B4GALT6: variants seen among roughly 807,000 people sequenced by gnomAD.
The protein encoded by B4GALT6 is beta-1,4-galactosyltransferase 6.
B4GALT6 carries 14 observed loss-of-function variants against 46.3 expected under a neutral mutation model. The ratio of observed to expected loss-of-function variants is 0.30; its 90% CI spans 0.20 to 0.47. The LOEUF (loss-of-function observed/expected upper bound fraction) is 0.47, where lower values mean the gene tolerates loss of function less well. B4GALT6 is among the 20% of genes least tolerant of loss of function. B4GALT6 has a pLI of 0.99. For synonymous variants in B4GALT6, 168 were observed against 162.0 expected (o/e 1.04, Z -0.28); for missense variants, 386 against 480.1 (o/e 0.80, Z 1.83).
intron 5 of B4GALT6, among the ~76,000 whole-genome samples, chr18:31,637,558 A>G (rs1002048142): frequency 6.6e-6 from 1 of 152,154 alleles, no homozygotes; most frequent in Non-Finnish European, 1.5e-5. Flanking sequence ...AATGTATACT[A>G]CTTTTTGTTT....
chr18:31,721,890 A>ATG, the B4GALT6 span, among the ~76,000 whole-genome samples: 19 of 149,742 alleles, frequency 1.3e-4, no homozygotes, highest in Non-Finnish European at 2.2e-4. Flanking sequence ...CTGTGTGTGT[A>ATG]TGTGTGTGTG....
intron 3 of B4GALT6, among the ~76,000 whole-genome samples, chr18:31,649,650 A>C (rs764203866): frequency 6.6e-6 from 1 of 152,196 alleles, no homozygotes; most frequent in African/African-American, 2.4e-5. Context: ...AACAAACAAA[A>C]AAAAATGCTC....
At chr18:31,637,442 C>G (rs2848661) in intron 5 of B4GALT6, among the ~76,000 whole-genome samples, 1 of 150,440 alleles carries the variant, frequency 6.6e-6, no homozygotes, top group African/African-American at 2.5e-5. Context: ...ATTTACTTAC[C>G]AACTGTAGAG....
chr18:31,671,495 C>T (rs556919278), intron 1 of B4GALT6, among the ~76,000 whole-genome samples: 18 of 152,184 alleles, frequency 1.2e-4, no homozygotes, highest in African/African-American at 4.3e-4. Context: ...CTCTAATGAC[C>T]AGTGATGATG....
chr18:31,691,187 T>C, the B4GALT6 span, among the ~76,000 whole-genome samples: 1 of 151,902 alleles, frequency 6.6e-6, no homozygotes. Context: ...CATGATTCTA[T>C]TTTGATGATA....
At chr18:31,638,128 A>G (rs890018009) in intron 5 of B4GALT6, among the ~76,000 whole-genome samples, 11 of 152,250 alleles carry the variant, frequency 7.2e-5, no homozygotes, top group Admixed American at 2.6e-4. Flanking sequence ...CGAGGCTGTC[A>G]TACTAAAGTG....
chr18:31,686,113 T>G (rs1340949134), upstream of B4GALT6: 3 of 152,276 alleles, frequency 2.0e-5, no homozygotes, highest in African/African-American at 7.2e-5. Flanking sequence ...ACTGTCCAGG[T>G]CCTTAGCTGT....
At chr18:31,664,410 A>C (rs944213679) in intron 2 of B4GALT6, among the ~76,000 whole-genome samples, 1 of 152,210 alleles carries the variant, frequency 6.6e-6, no homozygotes, top group Non-Finnish European at 1.5e-5. Context: ...CCATTAGTAA[A>C]GGAACCCTAT....
chr18:31,655,085 G>A (rs1019424108), intron 3 of B4GALT6, among the ~76,000 whole-genome samples: 5 of 152,162 alleles, frequency 3.3e-5, no homozygotes, highest in Admixed American at 3.3e-4. Context: ...ACCACACTCT[G>A]CAGATGGTAT....
At chr18:31,696,807 G>A in the B4GALT6 span, among the ~76,000 whole-genome samples, 2 of 152,128 alleles carry the variant, frequency 1.3e-5, no homozygotes, top group African/African-American at 4.8e-5. Context: ...AGTTCTAATA[G>A]TAAAGGTCTG....
intron 1 of B4GALT6, among the ~76,000 whole-genome samples, chr18:31,680,380 C>A (rs2144745241): frequency 6.6e-6 from 1 of 152,268 alleles, no homozygotes. Context: ...GATACCTCTC[C>A]CACAACATAC....
At chr18:31,675,962 A>T (rs1160602323) in intron 1 of B4GALT6, among the ~76,000 whole-genome samples, 1 of 152,204 alleles carries the variant, frequency 6.6e-6, no homozygotes, top group Non-Finnish European at 1.5e-5. Context: ...GTATTCATGA[A>T]AGGAAAATGA....
In B4GALT6 at chr18:31,630,767, T is replaced by C. The variant is rs577784733; in HGVS notation, c.776+192A>G. 2.6e-5 allele frequency among the ~76,000 whole-genome samples: 4 copies of C among 152,186 alleles called. No individual in the cohort carries two copies. In the East Asian group the frequency reaches 7.7e-4, roughly 29 times the overall value. On this transcript the variant is annotated intron_variant, in intron 6 of 8. Transcript: ENST00000306851. The stretch of plus-strand genomic sequence containing the variant: ...CCACCACACCACATTCAAACCTCTG[T>C]GTAAGGAAGCACCCAGGGGAACGAA...
chr18:31,638,159 T>C (rs2073884231), intron 5 of B4GALT6, among the ~76,000 whole-genome samples: 1 of 152,176 alleles, frequency 6.6e-6, no homozygotes. Context: ...GCTGATTAAG[T>C]CATTTGACCA....
chr18:31,626,172 T>C (rs1401330969), intron 8 of B4GALT6, 111 bp downstream of exon 8: 2 of 573,850 alleles, frequency 3.5e-6, no homozygotes, highest in African/African-American at 3.8e-5. Flanking sequence ...TTCCCTTCCA[T>C]TATGAAAATT....
chr18:31,644,766 A>G (rs1218285688), intron 4 of B4GALT6, among the ~76,000 whole-genome samples: 1 of 152,202 alleles, frequency 6.6e-6, no homozygotes, highest in Admixed American at 6.5e-5. Context: ...GAATTCTGAC[A>G]TATCAAAAAG....
chr18:31,642,027 T>C (rs2073936295), intron 4 of B4GALT6, among the ~76,000 whole-genome samples: 1 of 152,188 alleles, frequency 6.6e-6, no homozygotes, highest in East Asian at 1.9e-4. Context: ...CTCATTCTCC[T>C]TCAGTGTTTT....
At chr18:31,666,003 C>G (rs1420676296) in intron 2 of B4GALT6, among the ~76,000 whole-genome samples, 3 of 152,174 alleles carry the variant, frequency 2.0e-5, no homozygotes, top group African/African-American at 7.2e-5. Context: ...AAAGTAGAAG[C>G]TGCTTTCTAT....
chr18:31,708,104 T>A, the B4GALT6 span, among the ~76,000 whole-genome samples: 2 of 152,174 alleles, frequency 1.3e-5, no homozygotes, highest in African/African-American at 4.8e-5. Context: ...TGAAATTTGG[T>A]CATTCTCCTC....
Sources: allele counts gnomAD v4.1 joint callset (sites outside exome capture counted in the v4.1 genomes callset), GRCh38; gene constraint gnomAD v4.1.1; transcripts MANE v1.5; gene names NCBI Gene and HGNC (gene_info 2026-07-23, HGNC 2026-07-21).